The following GSE1 variants were observed in gnomAD, a reference collection of about 807,000 sequenced individuals.
GSE1 encodes genetic suppressor element 1.
A neutral mutation model predicts 112.6 loss-of-function variants in GSE1; 32 were observed. The ratio of observed to expected loss-of-function variants is 0.28; its 90% CI spans 0.21 to 0.38. The LOEUF (loss-of-function observed/expected upper bound fraction) is 0.38, where lower values mean the gene tolerates loss of function less well. GSE1 is among the 10% of genes least tolerant of loss of function. The pLI is 1.00. For missense variants in GSE1, 2,348 were observed against 1,699.2 expected (o/e 1.38, Z -6.71); for synonymous variants, 1,115 against 735.6 (o/e 1.52, Z -8.35).
intron 1 of GSE1, among the ~76,000 whole-genome samples, chr16:85,630,402 C>T (rs192148198): frequency 4.9e-4 from 74 of 152,276 alleles, no homozygotes; most frequent in Non-Finnish European, 7.6e-4. Context: ...TAGAGTATAG[C>T]GGTGTGATCA....
upstream of GSE1, among the ~76,000 whole-genome samples, chr16:85,609,447 G>A (rs1012024195): frequency 3.3e-5 from 5 of 152,318 alleles, no homozygotes; most frequent in South Asian, 1.0e-3. Context: ...GGAATTTTCA[G>A]TTTTGTTTCT....
Position 85,671,057 on chromosome 16 carries a change from A to G in GSE1, c.3478A>G (p.Ser1160Gly). 1 of 1,612,370 alleles carries G rather than the reference A, an allele frequency of 6.2e-7. No homozygotes were observed. The highest frequency in any genetic ancestry group is 1.3e-5 in the African/African-American group (1 of 75,008). Residue 1160 changes from serine (S) to glycine (G), a missense_variant, in exon 15 of 16, where the codon AGC becomes GGC. Coordinates refer to ENST00000253458, the MANE Select transcript of GSE1 (RefSeq NM_014615.5). ...QCRRLEARHY[S>G]LSLTAEQLSH... ...TAGACGACTGGAGGCCCGGCACTAC[A>G]GCCTCAGCCTGACGGCAGAGCAGCT...
At position 85,182,116 on chromosome 16, in the gene GSE1, C is replaced by T. The variant is rs553496882; in HGVS notation, c.2283+10309C>T. Reference sequence around the variant, plus strand: ...GGCTGTTCACACCAAGCATGGGGGACGCACGGTGGACAGCGAGGGCTCCTG... The same window carrying T: ...GGCTGTTCACACCAAGCATGGGGGATGCACGGTGGACAGCGAGGGCTCCTG... On this transcript the variant is annotated intron_variant, in intron 1 of 2. Coordinates refer to the GSE1 transcript ENST00000637419. Among the ~76,000 whole-genome samples the T allele has an allele frequency of 6.0e-4, 92 of 152,302 alleles. 1 individual carries two copies. Among genetic ancestry groups the T allele is most frequent in the African/African-American group, 1.3e-3 (52 of 41,580 alleles).
chr16:85,655,100 G>T, intron 5 of GSE1, 109 bp downstream of exon 5: 2 of 755,756 alleles, frequency 2.6e-6, no homozygotes, highest in Non-Finnish European at 4.5e-6. Flanking sequence ...GCTCCTAGGG[G>T]AGGGTCTAGA....
intron 2 of GSE1, among the ~76,000 whole-genome samples, chr16:85,484,882 A>T (rs2050784547): frequency 6.6e-6 from 1 of 152,158 alleles, no homozygotes; most frequent in Non-Finnish European, 1.5e-5. Flanking sequence ...CTCCACTGTG[A>T]TGGCCATGTG....
chr16:85,670,289 A>G (rs1457632675), intron 14 of GSE1, among the ~76,000 whole-genome samples: 1 of 152,174 alleles, frequency 6.6e-6, no homozygotes, highest in African/African-American at 2.4e-5. Flanking sequence ...GTGCTGCCAA[A>G]GAGAGGCACT....
At chr16:85,478,927 C>CTTTCTTTCTTTCTT (rs1285190496) in intron 2 of GSE1, among the ~76,000 whole-genome samples, 3 of 28,060 alleles carry the variant, frequency 1.1e-4, no homozygotes, top group African/African-American at 4.6e-4. Context: ...TTCTTTCTTT[C>CTTTCTTTCTTTCTT]TCTTTCTTTC....
chr16:85,328,775 A>T (rs1435349360), intron 1 of GSE1, among the ~76,000 whole-genome samples: 3 of 151,974 alleles, frequency 2.0e-5, no homozygotes, highest in Non-Finnish European at 4.4e-5. Context: ...GCAGTGATTG[A>T]CAAGGCCTTG....
rs1490741782 is a variant in GSE1 at position 85,399,308 on chromosome 16, G to A, written c.2464+41665G>A. Among the ~76,000 whole-genome samples the A allele has an allele frequency of 3.9e-5, 6 of 152,190 alleles. No homozygotes were observed. The East Asian group carries it at 5.8e-4, about 15-fold the overall frequency. On this transcript the variant is annotated intron_variant, in intron 2 of 2. Transcript: ENST00000637419. Reference sequence around the variant, plus strand: ...CCCCAGCACAGAGTCCTCTCAGGCCGCCCCGAGTGGGGCCCTCTGCACGTG... The same window carrying A: ...CCCCAGCACAGAGTCCTCTCAGGCCACCCCGAGTGGGGCCCTCTGCACGTG...
intron 2 of GSE1, among the ~76,000 whole-genome samples, chr16:85,539,171 G>A (rs530894622): frequency 3.9e-5 from 6 of 152,320 alleles, no homozygotes; most frequent in Non-Finnish European, 7.4e-5. Context: ...GTCTTTCCTC[G>A]TTATTCCCAG....
rs1263532711 is a variant in GSE1 at position 85,666,292 on chromosome 16, T to C, written c.3075T>C (p.His1025=). 1.2e-6 allele frequency: 2 copies of C among 1,613,688 alleles called. No individual in the cohort carries two copies. Among genetic ancestry groups the C allele is most frequent in the African/African-American group, 2.7e-5 (2 of 74,894 alleles). The change falls in exon 13 of 16, where the codon CAT becomes CAC. Residue 1025 remains histidine, a synonymous_variant. Transcript: ENST00000253458. The part of the protein sequence containing the change: ...WEPFVAEEFA[H]QFHESVLQST... ...CCTTTGTGGCAGAAGAGTTTGCACA[T>C]CAGTTCCACGAGTCAGTGCTGCAGT...
At chr16:85,616,947 C>T (rs892967974) in intron 1 of GSE1, among the ~76,000 whole-genome samples, 1 of 152,190 alleles carries the variant, frequency 6.6e-6, no homozygotes, top group African/African-American at 2.4e-5. Context: ...GCATGCCTGC[C>T]AAACGCACAC....
intron 2 of GSE1, among the ~76,000 whole-genome samples, chr16:85,452,362 C>T (rs2049711031): frequency 1.3e-5 from 2 of 152,104 alleles, no homozygotes; most frequent in Admixed American, 1.3e-4. Context: ...CTGTGTGTTC[C>T]CACTCTGGCC....
chr16:85,589,581 G>A (rs2046880687), intron 1 of GSE1, among the ~76,000 whole-genome samples: 1 of 152,170 alleles, frequency 6.6e-6, no homozygotes, highest in African/African-American at 2.4e-5. Flanking sequence ...CTGAAGCATC[G>A]TGCCTGAGCA....
In GSE1 at chr16:85,673,388, A is replaced by G. The variant is rs2053493945; in HGVS notation, c.*849A>G. On this transcript the variant is annotated 3_prime_UTR_variant, in exon 16 of 16. Coordinates refer to ENST00000253458, the MANE Select transcript of GSE1 (RefSeq NM_014615.5). ...TTTATTACTTTAACTATTGTTATAA[A>G]AAGCCTGCCATTTTTAATATGTGGT... 1 of 152,474 alleles carries G rather than the reference A, an allele frequency of 6.6e-6. No homozygotes were observed. Among genetic ancestry groups the G allele is most frequent in the African/African-American group, 2.4e-5 (1 of 41,406 alleles). The allele number at this position is 152,474 out of a possible 1,614,324, so 9.4% of individuals were successfully genotyped here.
chr16:85,372,123 C>A (rs2047314156), intron 2 of GSE1, among the ~76,000 whole-genome samples: 1 of 152,134 alleles, frequency 6.6e-6, no homozygotes, highest in Non-Finnish European at 1.5e-5. Flanking sequence ...TGGCTGGTTT[C>A]ACAGCTAGCG....
chr16:85,339,171 C>T (rs1458644013), intron 1 of GSE1, among the ~76,000 whole-genome samples: 1 of 152,206 alleles, frequency 6.6e-6, no homozygotes, highest in Non-Finnish European at 1.5e-5. Flanking sequence ...AGGCCAGTAG[C>T]CAGGCCCGTA....
chr16:85,303,952 C>T (rs1009382707), intron 1 of GSE1, among the ~76,000 whole-genome samples: 3 of 152,240 alleles, frequency 2.0e-5, no homozygotes, highest in African/African-American at 7.2e-5. Context: ...CTCTGGGCTG[C>T]TTGCGAAGAC....
chr16:85,200,677 C>T (rs1166602611), intron 1 of GSE1, among the ~76,000 whole-genome samples: 4 of 152,198 alleles, frequency 2.6e-5, no homozygotes, highest in African/African-American at 2.4e-5. Flanking sequence ...TTTAATCTTA[C>T]TGCAAGGGGA....
Sources: allele counts gnomAD v4.1 joint callset (sites outside exome capture counted in the v4.1 genomes callset), GRCh38; gene constraint gnomAD v4.1.1; transcripts MANE v1.5; gene names NCBI Gene and HGNC (gene_info 2026-07-23, HGNC 2026-07-21).